Variants in FNIP1 observed in about 807,000 individuals in gnomAD.
The protein encoded by FNIP1 is folliculin interacting protein 1.
FNIP1 carries 40 observed loss-of-function variants against 124.5 expected under a neutral mutation model. The ratio of observed to expected loss-of-function variants is 0.32; its 90% confidence interval spans 0.25 to 0.42. FNIP1 has a LOEUF of 0.42. FNIP1 is among the 10% of genes least tolerant of loss of function. The probability of loss-of-function intolerance (pLI) is 1.00; values close to 1 mark genes in which losing one functional copy is unlikely to be tolerated. For missense variants in FNIP1, 1,176 were observed against 1,403.7 expected (o/e 0.84, Z 2.59); for synonymous variants, 472 against 470.6 (o/e 1.00, Z -0.04).
In FNIP1 at chr5:131,766,418, G is replaced by T. The variant is rs145676120; in HGVS notation, c.93-21728C>A. Among the ~76,000 whole-genome samples, 392 of 152,124 alleles carry T rather than the reference G, an allele frequency of 2.6e-3. 3 individuals are homozygous for T. The highest frequency in any genetic ancestry group is 0.01 in the Middle Eastern group (3 of 294). The stretch of plus-strand genomic sequence containing the variant: ...CCAATCCAAATGTTTAAATTTCCCC[G>T]GTCCCAATCTACAATTCAGTTGAAT... On this transcript the variant is annotated intron_variant, in intron 1 of 17. Transcript: ENST00000510461.
At chr5:131,649,605 C>G (rs2149502932) in intron 16 of FNIP1, among the ~76,000 whole-genome samples, 1 of 152,152 alleles carries the variant, frequency 6.6e-6, no homozygotes, top group Admixed American at 6.5e-5. Flanking sequence ...TATAGGTTGT[C>G]TTTTCACTCT....
intron 11 of FNIP1, among the ~76,000 whole-genome samples, chr5:131,691,606 A>C (rs571636039): frequency 6.6e-6 from 1 of 152,270 alleles, no homozygotes; most frequent in South Asian, 2.1e-4. Flanking sequence ...AAAACACAAA[A>C]AGACACAAAT....
chr5:131,680,396 T>C (rs1580749574), intron 11 of FNIP1, among the ~76,000 whole-genome samples: 2 of 152,230 alleles, frequency 1.3e-5, no homozygotes, highest in Admixed American at 6.5e-5. Context: ...CTGTAGAACA[T>C]ATAATCATTG....
At chr5:131,778,348 G>A (rs1480383348) in intron 1 of FNIP1, among the ~76,000 whole-genome samples, 1 of 152,190 alleles carries the variant, frequency 6.6e-6, no homozygotes, top group Non-Finnish European at 1.5e-5. Context: ...AAAGTATACT[G>A]TGAGGAAGAA....
Position 131,796,866 on chromosome 5 carries a change from G to C in FNIP1, c.56C>G (p.Pro19Arg). The change falls in exon 1 of 18, where the codon CCC (proline) becomes CGC (arginine). Residue 19 changes from proline to arginine, a missense_variant. Pro to Arg is a moderately radical substitution (Grantham distance 103, BLOSUM62 -2). Around this residue, in one of 2 missense-constraint regions of FNIP1, gnomAD observed 1,109 missense variants for 1,288.5 expected, o/e 0.86. Coordinates refer to ENST00000510461, the MANE Select transcript of FNIP1 (RefSeq NM_133372.3). ...LFSKRTGLGA[P>R]GRDARDPDCG... ...ATCTGGGTCCCGGGCGTCGCGGCCG[G>C]GCGCGCCCAGCCCGGTCCTCTTGCT... is the stretch of plus-strand genomic sequence containing the variant. 2.5e-6 allele frequency: 4 copies of C among 1,607,372 alleles called. No individual in the cohort carries two copies. Among genetic ancestry groups the C allele is most frequent in the Non-Finnish European group, 3.4e-6 (4 of 1,177,626 alleles).
rs1561646678 is a variant in FNIP1 at position 131,671,923 on chromosome 5, CATT to C, written c.2518_2520del (p.Asn840del). The C allele has an allele frequency of 1.2e-6, 2 of 1,614,172 alleles. No homozygotes were observed. Among genetic ancestry groups the C allele is most frequent in the Admixed American group, 1.7e-5 (1 of 60,020 alleles). The stretch of plus-strand genomic sequence containing the variant: ...ATAGTCCTGGTTTCGATTGAATCAT[CATT>C]AAAATATTCGTCGAATAAGCTCATG... On this transcript the variant is annotated inframe_deletion, in exon 14 of 18. Coordinates refer to ENST00000510461, the MANE Select transcript of FNIP1 (RefSeq NM_133372.3).
In FNIP1 at chr5:131,782,364, C is replaced by T. The variant is rs547114424; in HGVS notation, c.92+14466G>A. Reference sequence around the variant, plus strand: ...AGGAGTTCGAGACCAACCTTGGCAACGCAGTGAAACCTCGACTCTACCAAA... The same window carrying T: ...AGGAGTTCGAGACCAACCTTGGCAATGCAGTGAAACCTCGACTCTACCAAA... On this transcript the variant is annotated intron_variant, in intron 1 of 17. Transcript: ENST00000510461. 1.0e-3 allele frequency among the ~76,000 whole-genome samples: 153 copies of T among 151,954 alleles called. 1 individual carries two copies. The South Asian group carries it at 0.031, about 30-fold the overall frequency.
In FNIP1 at chr5:131,775,165, A is replaced by G. The variant is rs142636615; in HGVS notation, c.92+21665T>C. Among the ~76,000 whole-genome samples, 476 of 152,334 alleles carry G rather than the reference A, an allele frequency of 3.1e-3. 3 individuals are homozygous for G. The highest frequency in any genetic ancestry group is 0.011 in the African/African-American group (453 of 41,578). On this transcript the variant is annotated intron_variant, in intron 1 of 17. Transcript: ENST00000510461. ...AGTGGAACATTACTGTTTGTTTAGT[A>G]TCTAGTTTCCAGTTCCAAACTTCTA...
chr5:131,672,787 G>T lies in FNIP1; in HGVS notation c.1657C>A (p.Leu553Ile), dbSNP rs1287615099. 6.2e-7 allele frequency: 1 copy of T among 1,613,692 alleles called. No homozygotes were observed. Among genetic ancestry groups the T allele is most frequent in the East Asian group, 2.2e-5 (1 of 44,882 alleles). The stretch of plus-strand genomic sequence containing the variant: ...GCTTCATCTTCTCCATTTTCTAAAA[G>T]ATGCGTTTCTTGAAGTTCAGAGCAT... ...IRCSELQETHLLENGEDEAIV... is the reference protein window; with the variant it reads ...IRCSELQETHILENGEDEAIV... The change falls in exon 14 of 18, where the codon CTT (leucine) becomes ATT (isoleucine). Residue 553 changes from leucine (L) to isoleucine (I), a missense_variant. Transcript: ENST00000510461.
At chr5:131,734,593 A>C (rs57579802) in intron 2 of FNIP1, among the ~76,000 whole-genome samples, 3 of 152,112 alleles carry the variant, frequency 2.0e-5, no homozygotes, top group South Asian at 2.1e-4. Context: ...GAATCTACAA[A>C]GAACTCAAAC....
At chr5:131,687,132 G>T (rs779197758) in intron 11 of FNIP1, among the ~76,000 whole-genome samples, 38 of 150,464 alleles carry the variant, frequency 2.5e-4, no homozygotes, top group Non-Finnish European at 4.3e-4. Flanking sequence ...TTGAGACAGG[G>T]TCTTGCTCTG....
chr5:131,651,481 G>A lies in FNIP1; in HGVS notation c.3306+321C>T, dbSNP rs146423115. Among the ~76,000 whole-genome samples, 477 of 152,308 alleles carry A rather than the reference G, an allele frequency of 3.1e-3. 3 individuals are homozygous for A. Among genetic ancestry groups the A allele is most frequent in the African/African-American group, 0.011 (453 of 41,570 alleles). On this transcript the variant is annotated intron_variant, in intron 16 of 17. Coordinates refer to ENST00000510461, the MANE Select transcript of FNIP1 (RefSeq NM_133372.3). ...CAAGGTGCAAGCATGGTTGGGTTCT[G>A]GTAAGGGCTCTCTTCCTGCTGGCAG...
At chr5:131,746,532 T>C (rs772139427) in intron 1 of FNIP1, among the ~76,000 whole-genome samples, 3 of 152,190 alleles carry the variant, frequency 2.0e-5, no homozygotes, top group African/African-American at 4.8e-5. Flanking sequence ...CGGTATCTGA[T>C]TTTCTGTTCC....
chr5:131,703,998 A>G, intron 10 of FNIP1, 67 bp downstream of exon 10: 1 of 1,320,598 alleles, frequency 7.6e-7, no homozygotes, highest in Non-Finnish European at 1.0e-6. Context: ...CAAATTAATA[A>G]ATATAATGCT....
intron 13 of FNIP1, 36 bp downstream of exon 13, chr5:131,677,667 T>C: frequency 6.4e-7 from 1 of 1,557,896 alleles, no homozygotes; most frequent in Non-Finnish European, 8.7e-7. Context: ...TACAAAAAAG[T>C]CTAATACATA....
intron 1 of FNIP1, among the ~76,000 whole-genome samples, chr5:131,759,197 A>C (rs1771147011): frequency 6.6e-6 from 1 of 152,194 alleles, no homozygotes; most frequent in Non-Finnish European, 1.5e-5. Context: ...CTTGGCAAAG[A>C]ATTTTTGGCT....
At chr5:131,645,189 G>C (rs961752065) in intron 17 of FNIP1, among the ~76,000 whole-genome samples, 13 of 151,972 alleles carry the variant, frequency 8.6e-5, no homozygotes, top group Admixed American at 3.9e-4. Flanking sequence ...GGGCATGGTG[G>C]TGTGTGCCCG....
At chr5:131,711,932 C>T (rs1326401435) in intron 6 of FNIP1, among the ~76,000 whole-genome samples, 1 of 152,202 alleles carries the variant, frequency 6.6e-6, no homozygotes, top group African/African-American at 2.4e-5. Flanking sequence ...TCCCTCGTTA[C>T]TTTAAAAATT....
chr5:131,694,195 T>A (rs1768611739), intron 11 of FNIP1, among the ~76,000 whole-genome samples: 1 of 152,216 alleles, frequency 6.6e-6, no homozygotes, highest in Admixed American at 6.5e-5. Flanking sequence ...AGTTTTTCCA[T>A]AATATCCAGC....
Sources: allele counts gnomAD v4.1 joint callset (sites outside exome capture counted in the v4.1 genomes callset), GRCh38; gene constraint gnomAD v4.1.1; regional missense constraint gnomAD v4.1.1; transcripts MANE v1.5; gene names NCBI Gene and HGNC (gene_info 2026-07-23, HGNC 2026-07-21).